Variants in LRMDA observed in about 807,000 individuals in gnomAD.
LRMDA encodes the protein leucine-rich melanocyte differentiation-associated protein.
LRMDA carries 18 observed loss-of-function variants against 29.8 expected under a neutral mutation model. The observed-to-expected ratio is 0.60, with a 90% CI of 0.42 to 0.90. The LOEUF (loss-of-function observed/expected upper bound fraction) is 0.90. Ranked by LOEUF, LRMDA falls within the 40% of genes least tolerant of loss-of-function variation. The pLI is 0.00. For synonymous variants in LRMDA, 125 were observed against 109.4 expected (o/e 1.14, Z -0.89); for missense variants, 273 against 273.9 (o/e 1.00, Z 0.02).
intron 5 of LRMDA, among the ~76,000 whole-genome samples, chr10:76,158,196 A>G (rs759635334): frequency 5.4e-5 from 8 of 149,166 alleles, no homozygotes; most frequent in Non-Finnish European, 1.2e-4. Flanking sequence ...TGTCCTAGGG[A>G]CTTTGATCTA....
chr10:76,095,570 G>A (rs975706178), intron 5 of LRMDA, among the ~76,000 whole-genome samples: 9 of 152,214 alleles, frequency 5.9e-5, no homozygotes, highest in African/African-American at 2.2e-4. Flanking sequence ...TTGCCAGACT[G>A]TTTTTCAAAG....
chr10:76,450,661 T>C (rs565158267), intron 6 of LRMDA, among the ~76,000 whole-genome samples: 1 of 152,304 alleles, frequency 6.6e-6, no homozygotes, highest in South Asian at 2.1e-4. Flanking sequence ...TAAATTTTCT[T>C]CCACATTATT....
chr10:76,203,541 G>A (rs1312832734), intron 5 of LRMDA, among the ~76,000 whole-genome samples: 1 of 152,206 alleles, frequency 6.6e-6, no homozygotes, highest in Non-Finnish European at 1.5e-5. Context: ...TGGTGATTCG[G>A]AGAAGACATT....
chr10:75,564,356 C>T (rs192543555), intron 2 of LRMDA, among the ~76,000 whole-genome samples: 3 of 152,302 alleles, frequency 2.0e-5, no homozygotes, highest in Admixed American at 1.3e-4. Context: ...GATATAATCT[C>T]CTGGTGTGCC....
intron 2 of LRMDA, among the ~76,000 whole-genome samples, chr10:75,974,381 A>T (rs1283431144): frequency 1.3e-5 from 2 of 152,196 alleles, no homozygotes; most frequent in Admixed American, 6.5e-5. Flanking sequence ...CTGGAGTTAG[A>T]CTGCTTGAGT....
intron 6 of LRMDA, among the ~76,000 whole-genome samples, chr10:76,505,554 T>G: frequency 6.6e-6 from 1 of 152,166 alleles, no homozygotes; most frequent in East Asian, 1.9e-4. Flanking sequence ...TATTCTGCTG[T>G]TAATGCTTCT....
intron 2 of LRMDA, among the ~76,000 whole-genome samples, chr10:75,890,082 C>T (rs1006415898): frequency 5.3e-5 from 8 of 152,132 alleles, no homozygotes; most frequent in Non-Finnish European, 7.4e-5. Context: ...CAAGGACTGG[C>T]GACCTCAGTA....
chr10:75,936,914 T>C (rs1247197499), intron 2 of LRMDA, among the ~76,000 whole-genome samples: 1 of 152,212 alleles, frequency 6.6e-6, no homozygotes, highest in African/African-American at 2.4e-5. Context: ...TGTATTTCAG[T>C]ATTTTAGTCT....
intron 5 of LRMDA, among the ~76,000 whole-genome samples, chr10:76,175,025 G>A (rs1850907433): frequency 6.6e-6 from 1 of 152,186 alleles, no homozygotes; most frequent in African/African-American, 2.4e-5. Flanking sequence ...GGAGGCTAAG[G>A]CAGGAGAATC....
chr10:76,168,889 A>T (rs1456663346), intron 5 of LRMDA, among the ~76,000 whole-genome samples: 1 of 152,202 alleles, frequency 6.6e-6, no homozygotes, highest in Non-Finnish European at 1.5e-5. Flanking sequence ...CATGAAGTCC[A>T]CTGTTTATTG....
intron 6 of LRMDA, among the ~76,000 whole-genome samples, chr10:76,498,222 T>C (rs533361578): frequency 2.6e-5 from 2 of 75,766 alleles, no homozygotes; most frequent in South Asian, 7.1e-4. Flanking sequence ...CTTTGCTTCA[T>C]TCACGATAAT....
chr10:75,674,994 C>G (rs1471182135), intron 2 of LRMDA, among the ~76,000 whole-genome samples: 1 of 152,198 alleles, frequency 6.6e-6, no homozygotes, highest in Non-Finnish European at 1.5e-5. Flanking sequence ...GCAGCCTTTT[C>G]ATTTCCACGT....
intron 2 of LRMDA, among the ~76,000 whole-genome samples, chr10:75,927,927 G>A (rs953129302): frequency 1.3e-5 from 2 of 152,174 alleles, no homozygotes; most frequent in Non-Finnish European, 2.9e-5. Flanking sequence ...TGGTGGAACA[G>A]TAATAATAAT....
intron 5 of LRMDA, among the ~76,000 whole-genome samples, chr10:76,220,199 T>A (rs1851804730): frequency 6.6e-6 from 1 of 151,778 alleles, no homozygotes. Flanking sequence ...AACATCACAA[T>A]TAAAAGAACT....
At chr10:75,436,506 C>T (rs1018887488) in intron 1 of LRMDA, among the ~76,000 whole-genome samples, 7 of 151,028 alleles carry the variant, frequency 4.6e-5, no homozygotes, top group South Asian at 2.1e-4. Flanking sequence ...CTGGCTCTGT[C>T]GCCCAGGCTG....
At chr10:75,800,973 A>G (rs1843735974) in intron 2 of LRMDA, among the ~76,000 whole-genome samples, 1 of 152,188 alleles carries the variant, frequency 6.6e-6, no homozygotes, top group South Asian at 2.1e-4. Flanking sequence ...CAATTTTGCA[A>G]TTGATCTTAG....
At chr10:75,479,232 G>C (rs1844830164) in intron 2 of LRMDA, among the ~76,000 whole-genome samples, 1 of 152,178 alleles carries the variant, frequency 6.6e-6, no homozygotes, top group South Asian at 2.1e-4. Context: ...AACCGGCTTG[G>C]TGTGGTGGCT....
intron 2 of LRMDA, among the ~76,000 whole-genome samples, chr10:75,943,626 G>T (rs918692707): frequency 6.6e-6 from 1 of 152,160 alleles, no homozygotes; most frequent in Non-Finnish European, 1.5e-5. Context: ...TTGGGACTCA[G>T]TGGCATATTG....
intron 2 of LRMDA, among the ~76,000 whole-genome samples, chr10:75,892,690 C>T (rs376704828): frequency 4.5e-4 from 68 of 152,288 alleles, no homozygotes; most frequent in African/African-American, 1.5e-3. Context: ...GCCTCTGGCA[C>T]CTGTGGCTGG....
Sources: gnomAD v4.1 joint callset for allele counts (sites outside exome capture counted in the v4.1 genomes callset) on GRCh38, gnomAD v4.1.1 for gene constraint, MANE v1.5 for transcripts, NCBI Gene and HGNC (gene_info 2026-07-23, HGNC 2026-07-21) for gene names.